Variants in PPARA observed in about 807,000 individuals in gnomAD.
PPARA encodes the protein peroxisome proliferator-activated receptor alpha.
Under a neutral mutation model 42.2 loss-of-function variants are expected in PPARA, and 22 were observed. The observed-to-expected ratio is 0.52, with a 90% CI of 0.37 to 0.74. The LOEUF is 0.74. Ranked by LOEUF, PPARA falls within the 30% of genes least tolerant of loss-of-function variation. The pLI is 0.00. For missense variants in PPARA, 465 were observed against 608.2 expected, an observed-to-expected ratio of 0.76 and a Z score of 2.48; for synonymous variants, 242 against 239.3, an observed-to-expected ratio of 1.01 and a Z score of -0.10.
intron 4 of PPARA, among the ~76,000 whole-genome samples, chr22:46,210,686 C>T (rs533580078): frequency 1.3e-4 from 20 of 152,190 alleles, no homozygotes; most frequent in African/African-American, 3.6e-4. Context: ...TCAAGTGATC[C>T]GCCCACCTCG....
In PPARA at chr22:46,235,494, TTGGA is replaced by T; in HGVS notation, c.*115_*118del. ...ATATCCACCACTTTAACCTTAGAGCTTGGACAGTCTGAGCTGTAGGTAACCGGCA... is the reference window on the plus strand; with the variant it reads ...ATATCCACCACTTTAACCTTAGAGCTCAGTCTGAGCTGTAGGTAACCGGCA... On this transcript the variant is annotated 3_prime_UTR_variant, in exon 9 of 9. Transcript: ENST00000407236. This position sits in a 1 kb window ranked among gnomAD's most constrained non-coding sequence, Gnocchi z 7.0. The T allele has an allele frequency of 7.2e-7, 1 of 1,386,454 alleles. No homozygotes were observed. The highest frequency in any genetic ancestry group is 1.0e-6 in the Non-Finnish European group (1 of 1,004,908). The allele number at this position is 1,386,454 out of a possible 1,614,324, so 85.9% of individuals were successfully genotyped here.
chr22:46,231,971 C>G lies in PPARA; in HGVS notation c.891C>G (p.Phe297Leu). Residue 297 changes from phenylalanine to leucine, a missense_variant, in exon 8 of 9, where the codon TTC becomes TTG. Physicochemically the swap from Phe to Leu is conservative, Grantham distance 22. Around this residue, in one of 2 missense-constraint regions of PPARA, gnomAD observed 313 missense variants for 469.1 expected, o/e 0.67. Coordinates refer to ENST00000407236, the MANE Select transcript of PPARA (RefSeq NM_005036.6). This position sits in a 1 kb window ranked among gnomAD's most constrained non-coding sequence, Gnocchi z 7.7. The stretch of plus-strand genomic sequence containing the variant: ...AATTCGCCAAGGCCATCCCAGGCTT[C>G]GCAAACTTGGACCTGAACGATCAAG... The part of the protein sequence containing the change: ...LTEFAKAIPG[F>L]ANLDLNDQVT... 1 of 1,614,212 alleles carries G rather than the reference C, an allele frequency of 6.2e-7. No homozygotes were observed.
Position 46,179,441 on chromosome 22 carries a change from G to A in PPARA, c.-43+2605G>A, listed in dbSNP as rs567115025. 9.2e-5 allele frequency among the ~76,000 whole-genome samples: 14 copies of A among 152,188 alleles called. No individual in the cohort carries two copies. The South Asian group carries it at 1.5e-3, about 16-fold the overall frequency. ...AAAAAAACAACTGGATTTTGACAGA[G>A]GTGCAAAGGCAATTTGGTAGAGAAA... On this transcript the variant is annotated intron_variant, in intron 3 of 8. Transcript: ENST00000407236.
rs34142992 is a variant in PPARA, at chr22:46,204,837, T to TA, written c.208+6258dup. Among the ~76,000 whole-genome samples the TA allele has an allele frequency of 0.072, 10,478 of 145,000 alleles. 721 individuals carry two copies. Among genetic ancestry groups the TA allele is most frequent in the African/African-American group, 0.19 (7,402 of 39,848 alleles). On this transcript the variant is annotated intron_variant, in intron 4 of 8. Coordinates refer to ENST00000407236, the MANE Select transcript of PPARA (RefSeq NM_005036.6). This position sits in a 1 kb window ranked among gnomAD's most constrained non-coding sequence, Gnocchi z 5.2. The stretch of plus-strand genomic sequence containing the variant: ...TCTTTTCTTTCTACTGATAGTATCT[T>TA]AAAAAAAAAAAAGAAAAAAGATTGT...
At chr22:46,220,644 T>TA (rs78328014) in intron 7 of PPARA, 1,908 of 143,754 alleles carry the variant, frequency 0.013, 19 homozygotes, top group African/African-American at 0.035. Context: ...TAACTGGATT[T>TA]AAAAAAAAAA....
rs941428884 is a variant in PPARA, at chr22:46,221,762, G to C, written c.711+1748G>C. 1.3e-5 allele frequency among the ~76,000 whole-genome samples: 2 copies of C among 152,090 alleles called. No individual in the cohort carries two copies. Among genetic ancestry groups the C allele is most frequent in the Non-Finnish European group, 2.9e-5 (2 of 68,012 alleles). On this transcript the variant is annotated intron_variant, in intron 7 of 8. Transcript: ENST00000407236. This position sits in a 1 kb window ranked among gnomAD's most constrained non-coding sequence, Gnocchi z 5.9. Reference sequence around the variant, plus strand: ...TGCAGTGAGCCGAGATCGTGCCACTGCACTTCCAGCCTGGGCGACAAAGCC... The same window carrying C: ...TGCAGTGAGCCGAGATCGTGCCACTCCACTTCCAGCCTGGGCGACAAAGCC...
In PPARA at chr22:46,243,284, A is replaced by T. The variant is rs572140857; in HGVS notation, c.*7904A>T. ...ATCCCAGAGCAAGGACTGGGCCCAG[A>T]CTCTCCACATGTGCTCTACTAGTGA... On this transcript the variant is annotated 3_prime_UTR_variant, in exon 9 of 9. Transcript: ENST00000407236. This position sits in a 1 kb window ranked among gnomAD's most constrained non-coding sequence, Gnocchi z 5.0. 68 of 151,960 alleles carry T rather than the reference A, an allele frequency of 4.5e-4. No homozygotes were observed. Among genetic ancestry groups the T allele is most frequent in the African/African-American group, 1.5e-3 (64 of 41,416 alleles). 9.4% of individuals were successfully genotyped at this position (151,960 alleles called of 1,614,324 possible). A position where few individuals can be genotyped will look rare whatever the true frequency, so the allele number is the denominator to read the frequency against.
intron 7 of PPARA, among the ~76,000 whole-genome samples, chr22:46,223,642 C>CAAA (rs56992283): frequency 9.7e-6 from 1 of 102,592 alleles, no homozygotes; most frequent in Non-Finnish European, 2.0e-5. Flanking sequence ...GACTCCATCT[C>CAAA]AAAAAAAAAA....
chr22:46,151,544 AAG>A (rs1924434942), intron 1 of PPARA, among the ~76,000 whole-genome samples: 2 of 152,260 alleles, frequency 1.3e-5, no homozygotes, highest in Admixed American at 6.5e-5. Context: ...TAAAAGTTAA[AAG>A]AGAGGAAGTG....
intron 7 of PPARA, chr22:46,220,395 G>A (rs528524790): frequency 2.2e-5 from 7 of 323,032 alleles, no homozygotes; most frequent in South Asian, 1.9e-4. Context: ...GTTCACTGCA[G>A]CCTTGAACTC....
rs1934355540 is a variant in PPARA, at chr22:46,215,155, T to C, written c.209-18T>C. On this transcript the variant is annotated intron_variant, in intron 4 of 8. Transcript: ENST00000407236. ...GTGATGCCTGGACTATTCATCCGTC[T>C]CTCCTCTTTTTCCCCAGACACGCTT... 1.2e-6 allele frequency: 2 copies of C among 1,612,842 alleles called. No homozygotes were observed. The highest frequency in any genetic ancestry group is 1.3e-5 in the African/African-American group (1 of 74,864).
intron 2 of PPARA, among the ~76,000 whole-genome samples, 192 bp downstream of exon 2, chr22:46,152,162 G>A (rs1461341554): frequency 1.5e-5 from 2 of 129,036 alleles, no homozygotes; most frequent in Admixed American, 1.7e-4. Context: ...TTTTTGAGAC[G>A]GAGTCTCGCT....
At chr22:46,229,198 A>G (rs1935695666) in intron 7 of PPARA, among the ~76,000 whole-genome samples, 1 of 152,094 alleles carries the variant, frequency 6.6e-6, no homozygotes, top group African/African-American at 2.4e-5. Context: ...GTGGCCTAAG[A>G]GTCTATTTTC....
Position 46,198,415 on chromosome 22 carries a change from T to A in PPARA, c.32T>A (p.Leu11His), listed in dbSNP as rs768019015. Reference protein sequence around the residue: MVDTESPLCPLSPLEAGDLES... With the variant: MVDTESPLCPHSPLEAGDLES... ...GACACGGAAAGCCCACTCTGCCCCCTCTCCCCACTCGAGGCCGGCGATCTA... is the reference window on the plus strand; with the variant it reads ...GACACGGAAAGCCCACTCTGCCCCCACTCCCCACTCGAGGCCGGCGATCTA... The change falls in exon 4 of 9, where the codon CTC (leucine) becomes CAC (histidine). Residue 11 changes from leucine (L) to histidine (H), a missense_variant. Leu to His is a moderately conservative substitution (Grantham distance 99). This residue lies in a region of PPARA where 152 missense variants were observed against 139.1 expected (regional missense o/e 1.09). Coordinates refer to ENST00000407236, the MANE Select transcript of PPARA (RefSeq NM_005036.6). The A allele has an allele frequency of 1.1e-5, 17 of 1,613,650 alleles. No individual in the cohort carries two copies. The South Asian group carries it at 1.9e-4, about 18-fold the overall frequency.
rs2014937530 is a variant in PPARA at position 46,204,373 on chromosome 22, G to A, written c.208+5782G>A. ...TTGAATAAATACCTAGGAGTATGAC[G>A]GCTGGAACAGATGGCAGGTGTTTGT... On this transcript the variant is annotated intron_variant, in intron 4 of 8. Transcript: ENST00000407236. This position sits in a 1 kb window ranked among gnomAD's most constrained non-coding sequence, Gnocchi z 5.2. Among the ~76,000 whole-genome samples, 1 of 152,040 alleles carries A rather than the reference G, an allele frequency of 6.6e-6. No individual in the cohort carries two copies. Among genetic ancestry groups the A allele is most frequent in the African/African-American group, 2.4e-5 (1 of 41,386 alleles).
rs1601834794 is a variant in PPARA, at chr22:46,235,338, G to T, written c.1365G>T (p.Ala455=). The change falls in exon 9 of 9, where the codon GCG becomes GCT. Residue 455 remains alanine (A), a synonymous_variant. Coordinates refer to ENST00000407236, the MANE Select transcript of PPARA (RefSeq NM_005036.6). The surrounding 1 kb of genome is among the most constrained non-coding windows in gnomAD (Gnocchi z 7.0). ...QIIKKTESDA[A]LHPLLQEIYR... ...TCAAGAAGACGGAGTCGGATGCTGC[G>T]CTGCACCCGCTACTGCAGGAGATCT... The T allele has an allele frequency of 6.2e-7, 1 of 1,613,716 alleles. No homozygotes were observed. Among genetic ancestry groups the T allele is most frequent in the African/African-American group, 1.3e-5 (1 of 74,826 alleles).
chr22:46,157,670 C>T (rs1282398932), intron 2 of PPARA, among the ~76,000 whole-genome samples: 2 of 152,176 alleles, frequency 1.3e-5, no homozygotes, highest in Non-Finnish European at 2.9e-5. Flanking sequence ...TTCAACACAA[C>T]TGACTTCATA....
At chr22:46,210,653 A>C (rs1933842161) in intron 4 of PPARA, among the ~76,000 whole-genome samples, 1 of 152,034 alleles carries the variant, frequency 6.6e-6, no homozygotes, top group African/African-American at 2.4e-5. Context: ...CATGATGGCC[A>C]AGCTGGTTTT....
rs1459584947 is a variant in PPARA, at chr22:46,211,313, T to A, written c.209-3860T>A. ...AATTCACCATTCCTTGAGTTCATGG[T>A]TCATTTTCAGTATACCTGCACAGTG... On this transcript the variant is annotated intron_variant, in intron 4 of 8. Coordinates refer to ENST00000407236, the MANE Select transcript of PPARA (RefSeq NM_005036.6). This position sits in a 1 kb window ranked among gnomAD's most constrained non-coding sequence, Gnocchi z 4.1. Among the ~76,000 whole-genome samples the A allele has an allele frequency of 6.6e-6, 1 of 152,144 alleles. No individual in the cohort carries two copies. Among genetic ancestry groups the A allele is most frequent in the African/African-American group, 2.4e-5 (1 of 41,430 alleles).
Sources: allele counts gnomAD v4.1 joint callset (sites outside exome capture counted in the v4.1 genomes callset), GRCh38; gene constraint gnomAD v4.1.1; regional missense constraint gnomAD v4.1.1; non-coding constraint Gnocchi (gnomAD v3.1); transcripts MANE v1.5; gene names NCBI Gene and HGNC (gene_info 2026-07-23, HGNC 2026-07-21).